The following LRRC4C variants were observed in gnomAD, a reference collection of about 807,000 sequenced individuals.
LRRC4C encodes leucine rich repeat containing 4C.
In LRRC4C, 5 loss-of-function variants were observed where a neutral mutation model predicts 33.6. That is an observed-to-expected ratio of 0.15 (90% CI 0.08 to 0.31). The LOEUF (loss-of-function observed/expected upper bound fraction) is 0.31. Among genes scored for constraint, LRRC4C ranks in the 10% least tolerant of loss-of-function variants. LRRC4C has a pLI of 1.00. For missense variants in LRRC4C, 560 were observed against 796.7 expected (o/e 0.70, Z 3.58); for synonymous variants, 329 against 302.0 (o/e 1.09, Z -0.93).
At chr11:41,367,660 C>A (rs1356118813) in intron 1 of LRRC4C, among the ~76,000 whole-genome samples, 1 of 152,096 alleles carries the variant, frequency 6.6e-6, no homozygotes, top group African/African-American at 2.4e-5. Context: ...ACTGTATATA[C>A]ATACCCCTTC....
At chr11:41,014,680 G>C (rs1385495552) in intron 1 of LRRC4C, among the ~76,000 whole-genome samples, 1 of 151,992 alleles carries the variant, frequency 6.6e-6, no homozygotes, top group African/African-American at 2.4e-5. Context: ...TGTTCAAAAA[G>C]GGCTGTCTAA....
intron 2 of LRRC4C, among the ~76,000 whole-genome samples, chr11:40,921,923 A>G (rs2136367999): frequency 6.6e-6 from 1 of 152,286 alleles, no homozygotes; most frequent in East Asian, 1.9e-4. Context: ...GAATTTTTGG[A>G]ATCCTCTACT....
rs186057622 is a variant in LRRC4C, at chr11:40,787,520, G to A, written c.-406-139242C>T. Among the ~76,000 whole-genome samples, 6 of 152,250 alleles carry A rather than the reference G, an allele frequency of 3.9e-5. No homozygotes were observed. In the East Asian group the frequency reaches 7.7e-4, roughly 20 times the overall value. ...GTGATCCCATCTAGTTTCCTCCTTT[G>A]AGAGCTCTTCAAAATCTTTGAAATG... On this transcript the variant is annotated intron_variant, in intron 2 of 6. Coordinates refer to ENST00000528697, the MANE Select transcript of LRRC4C (RefSeq NM_001258419.2).
chr11:40,447,428 A>G (rs1252246541), intron 3 of LRRC4C, among the ~76,000 whole-genome samples: 2 of 152,162 alleles, frequency 1.3e-5, no homozygotes, highest in Non-Finnish European at 2.9e-5. Context: ...CTTCAGATGG[A>G]TTATTTATCT....
At position 41,228,460 on chromosome 11, in the gene LRRC4C, G is replaced by A. The variant is rs138648359; in HGVS notation, c.-496+230971C>T. Among the ~76,000 whole-genome samples the A allele has an allele frequency of 1.0e-3, 156 of 152,164 alleles. 2 individuals are homozygous for A. The highest frequency in any genetic ancestry group is 3.4e-3 in the Middle Eastern group (1 of 294). ...TGTTGGGGCATCTGGTCTCCATCAC[G>A]GCTGTGAGACATCTTCTGTCATTCT... is the stretch of plus-strand genomic sequence containing the variant. On this transcript the variant is annotated intron_variant, in intron 1 of 6. Transcript: ENST00000528697.
chr11:41,022,760 G>A (rs1042432515), intron 1 of LRRC4C, among the ~76,000 whole-genome samples: 1 of 151,992 alleles, frequency 6.6e-6, no homozygotes, highest in Non-Finnish European at 1.5e-5. Context: ...TTTTTTACTT[G>A]TGATTTTAAA....
At chr11:41,392,095 C>T (rs1391108278) in intron 1 of LRRC4C, among the ~76,000 whole-genome samples, 12 of 151,886 alleles carry the variant, frequency 7.9e-5, no homozygotes, top group Admixed American at 1.3e-4. Context: ...AAACCGTTTA[C>T]GAGGGGAAAA....
intron 1 of LRRC4C, among the ~76,000 whole-genome samples, chr11:41,439,507 C>T (rs2138511685): frequency 6.6e-6 from 1 of 152,228 alleles, no homozygotes; most frequent in South Asian, 2.1e-4. Flanking sequence ...TATAAGCATT[C>T]CTTTCTTTCC....
intron 2 of LRRC4C, among the ~76,000 whole-genome samples, chr11:40,728,288 T>A (rs1164411616): frequency 6.6e-6 from 1 of 151,996 alleles, no homozygotes; most frequent in African/African-American, 2.4e-5. Flanking sequence ...AGAAACCCCA[T>A]TACTGGGTAT....
At chr11:41,357,801 G>A (rs1952215198) in intron 1 of LRRC4C, among the ~76,000 whole-genome samples, 1 of 151,986 alleles carries the variant, frequency 6.6e-6, no homozygotes, top group Non-Finnish European at 1.5e-5. Flanking sequence ...AGAGAGAATG[G>A]GAAGACTCAA....
intron 2 of LRRC4C, among the ~76,000 whole-genome samples, chr11:40,692,782 A>G (rs1156422285): frequency 6.6e-6 from 1 of 152,004 alleles, no homozygotes. Context: ...ATGGGCTCCT[A>G]TTTAGGCTAT....
chr11:40,289,054 T>C (rs1205509998), intron 4 of LRRC4C, among the ~76,000 whole-genome samples: 2 of 152,194 alleles, frequency 1.3e-5, no homozygotes, highest in Non-Finnish European at 2.9e-5. Context: ...TAATGCACAG[T>C]TTCTAGTATG....
intron 1 of LRRC4C, among the ~76,000 whole-genome samples, chr11:41,330,690 G>C (rs866917968): frequency 2.6e-5 from 4 of 151,990 alleles, no homozygotes; most frequent in Non-Finnish European, 5.9e-5. Flanking sequence ...TCCCACCTCA[G>C]CCTCAGCCTT....
At chr11:41,324,476 T>C (rs1951049344) in intron 1 of LRRC4C, among the ~76,000 whole-genome samples, 1 of 152,160 alleles carries the variant, frequency 6.6e-6, no homozygotes, top group South Asian at 2.1e-4. Flanking sequence ...GAAGAGGAGT[T>C]GAAACTATAG....
At chr11:40,602,092 G>A (rs540130170) in intron 3 of LRRC4C, among the ~76,000 whole-genome samples, 6 of 151,658 alleles carry the variant, frequency 4.0e-5, no homozygotes, top group East Asian at 1.9e-4. Context: ...CTACTTGGGC[G>A]GCTGAGGCAG....
intron 1 of LRRC4C, among the ~76,000 whole-genome samples, chr11:41,106,607 T>C (rs921545785): frequency 1.3e-5 from 2 of 152,146 alleles, no homozygotes; most frequent in African/African-American, 4.8e-5. Context: ...ATACTGCTTA[T>C]GCTTTCAGTA....
At chr11:41,394,619 T>C (rs1295414993) in intron 1 of LRRC4C, 1 of 152,022 alleles carries the variant, frequency 6.6e-6, no homozygotes, top group East Asian at 1.9e-4. Context: ...TTGTGAAGAC[T>C]GCAGATAATA....
At chr11:40,645,424 T>C (rs1264848222) in intron 3 of LRRC4C, among the ~76,000 whole-genome samples, 2 of 152,138 alleles carry the variant, frequency 1.3e-5, no homozygotes, top group African/African-American at 4.8e-5. Context: ...GTGCAAAGCA[T>C]ATATTTTCCT....
intron 3 of LRRC4C, among the ~76,000 whole-genome samples, chr11:40,589,532 G>T (rs1244487729): frequency 6.7e-6 from 1 of 148,792 alleles, no homozygotes; most frequent in East Asian, 2.0e-4. Flanking sequence ...GATGTTAGCT[G>T]GTTATTTTGC....
Sources: gnomAD v4.1 joint callset for allele counts (sites outside exome capture counted in the v4.1 genomes callset) on GRCh38, gnomAD v4.1.1 for gene constraint, MANE v1.5 for transcripts, NCBI Gene and HGNC (gene_info 2026-07-23, HGNC 2026-07-21) for gene names.